DUSP22: variants seen among roughly 807,000 people sequenced by gnomAD.
DUSP22 encodes dual specificity protein phosphatase 22.
A neutral mutation model predicts 24.5 loss-of-function variants in DUSP22; 24 were observed. The observed-to-expected ratio is 0.98, with a 90% CI of 0.71 to 1.38. The LOEUF (loss-of-function observed/expected upper bound fraction) is 1.38. Ranked by LOEUF, DUSP22 falls within the 40% of genes most tolerant of loss-of-function variation. The pLI, the probability that DUSP22 is intolerant of heterozygous loss-of-function variation, is 0.00. For synonymous variants in DUSP22, 160 were observed against 106.4 expected (o/e 1.50, Z -3.10); for missense variants, 330 against 269.2 (o/e 1.23, Z -1.58).
At chr6:316,591 T>C (rs1322792325) in intron 3 of DUSP22, among the ~76,000 whole-genome samples, 1 of 152,312 alleles carries the variant, frequency 6.6e-6, no homozygotes, top group Non-Finnish European at 1.5e-5. Flanking sequence ...ATATTGTTTG[T>C]AGTTGCTGAG....
intron 4 of DUSP22, among the ~76,000 whole-genome samples, chr6:338,304 C>T (rs935039707): frequency 3.9e-5 from 6 of 152,294 alleles, no homozygotes; most frequent in African/African-American, 1.2e-4. Context: ...AAGAGGCAGG[C>T]GATGAAATAG....
At chr6:298,205 G>C (rs1410970949) in intron 1 of DUSP22, among the ~76,000 whole-genome samples, 1 of 152,308 alleles carries the variant, frequency 6.6e-6, no homozygotes, top group Non-Finnish European at 1.5e-5. Context: ...AAGGGCCCAG[G>C]AGAGTATTCT....
chr6:305,615 A>T (rs1757785190), intron 2 of DUSP22, among the ~76,000 whole-genome samples: 1 of 152,306 alleles, frequency 6.6e-6, no homozygotes, highest in African/African-American at 2.4e-5. Context: ...TCAGCTCTGG[A>T]GCACGGTGGT....
At chr6:309,812 C>T (rs1261110433) in intron 2 of DUSP22, among the ~76,000 whole-genome samples, 8 of 152,286 alleles carry the variant, frequency 5.3e-5, no homozygotes. Flanking sequence ...ATGTGTTTGT[C>T]TCTGCATTTT....
chr6:349,197 C>G lies in DUSP22; in HGVS notation c.*246C>G, dbSNP rs1052359935. Reference sequence around the variant, plus strand: ...TGTTGCCCAGTGGCTGTGCACTGCTCTGTGCACGTGCGTGTGTGTGAGTGC... The same window carrying G: ...TGTTGCCCAGTGGCTGTGCACTGCTGTGTGCACGTGCGTGTGTGTGAGTGC... On this transcript the variant is annotated 3_prime_UTR_variant, in exon 7 of 7. Transcript: ENST00000419235. 1.4e-6 allele frequency: 2 copies of G among 1,416,856 alleles called. No individual in the cohort carries two copies. Among genetic ancestry groups the G allele is most frequent in the Non-Finnish European group, 1.8e-6 (2 of 1,088,766 alleles). 87.8% of individuals were successfully genotyped at this position (1,416,856 alleles called of 1,614,324 possible).
chr6:310,130 T>G (rs1344387704), intron 2 of DUSP22, among the ~76,000 whole-genome samples: 1 of 152,300 alleles, frequency 6.6e-6, no homozygotes. Flanking sequence ...CCAGCTAATT[T>G]TTGTAATTTT....
At chr6:303,843 G>A (rs923122631) in intron 1 of DUSP22, among the ~76,000 whole-genome samples, 57 of 152,402 alleles carry the variant, frequency 3.7e-4, no homozygotes, top group Non-Finnish European at 6.9e-4. Context: ...CATTCCATGC[G>A]GGGGCTGGAG....
chr6:336,151 G>C (rs1759353614), intron 4 of DUSP22, among the ~76,000 whole-genome samples: 1 of 152,304 alleles, frequency 6.6e-6, no homozygotes, highest in Non-Finnish European at 1.5e-5. Flanking sequence ...TGTGCAGGCT[G>C]AAAGGCTGGG....
intron 3 of DUSP22, among the ~76,000 whole-genome samples, chr6:332,055 G>A (rs993519547): frequency 2.5e-4 from 38 of 152,274 alleles, no homozygotes; most frequent in African/African-American, 9.2e-4. Flanking sequence ...TTCTTTCCTT[G>A]CACTCATCTG....
intron 1 of DUSP22, among the ~76,000 whole-genome samples, chr6:301,505 G>T (rs1419618951): frequency 6.6e-6 from 1 of 152,304 alleles, no homozygotes; most frequent in African/African-American, 2.4e-5. Flanking sequence ...GGTTGTTACT[G>T]AACATTTTGA....
chr6:319,278 A>T (rs1329814752), intron 3 of DUSP22, among the ~76,000 whole-genome samples: 1 of 152,308 alleles, frequency 6.6e-6, no homozygotes. Context: ...GGTAGATTTC[A>T]TTTGAATGTT....
chr6:303,254 A>G (rs555986935), intron 1 of DUSP22, among the ~76,000 whole-genome samples: 81 of 152,402 alleles, frequency 5.3e-4, no homozygotes, highest in African/African-American at 1.9e-3. Flanking sequence ...CTTTCAAGAT[A>G]GGAATGATAA....
In DUSP22 at chr6:304,609, GTGTC is replaced by G; in HGVS notation, c.22-13_22-10del. 1 of 1,614,180 alleles carries G rather than the reference GTGTC, an allele frequency of 6.2e-7. No homozygotes were observed. Among genetic ancestry groups the G allele is most frequent in the Non-Finnish European group, 8.5e-7 (1 of 1,179,954 alleles). The stretch of plus-strand genomic sequence containing the variant: ...CTTAGAGTCTGCCATGCTCATGTCT[GTGTC>G]TGTCTCTCTCCTAGATCCTGCCCGG... On this transcript the variant is annotated splice_polypyrimidine_tract_variant and intron_variant, in intron 1 of 6. Transcript: ENST00000419235.
At position 335,262 on chromosome 6, in the gene DUSP22, A is replaced by G. The variant is rs1316084787; in HGVS notation, c.188+99A>G. On this transcript the variant is annotated intron_variant, in intron 4 of 6. Coordinates refer to ENST00000419235, the MANE Select transcript of DUSP22 (RefSeq NM_001286555.3). ...GAAGACTGTGAAGTTGTCAGAGCTC[A>G]CGGGACCCTTGCTGACCCTGCCAGG... 2.5e-5 allele frequency: 37 copies of G among 1,482,248 alleles called. No homozygotes were observed. In the Admixed American group the frequency reaches 5.0e-4, roughly 20 times the overall value. 91.8% of individuals were successfully genotyped at this position (1,482,248 alleles called of 1,614,324 possible).
intron 2 of DUSP22, among the ~76,000 whole-genome samples, chr6:310,505 A>G (rs1287319264): frequency 1.3e-5 from 2 of 152,298 alleles, no homozygotes; most frequent in Non-Finnish European, 2.9e-5. Flanking sequence ...TAGCCAACTG[A>G]TAGCTGATAG....
At chr6:345,475 G>C (rs535997315) in intron 4 of DUSP22, among the ~76,000 whole-genome samples, 10 of 152,416 alleles carry the variant, frequency 6.6e-5, no homozygotes, top group African/African-American at 2.4e-4. Context: ...CTCCCAAATT[G>C]CTGGGATTAC....
At chr6:337,512 GA>G (rs1420427026) in intron 4 of DUSP22, among the ~76,000 whole-genome samples, 1 of 152,306 alleles carries the variant, frequency 6.6e-6, no homozygotes, top group Admixed American at 6.5e-5. Flanking sequence ...GGGAGACAGA[GA>G]TATGCCAGCT....
At chr6:296,590 G>A (rs1447602930) in intron 1 of DUSP22, among the ~76,000 whole-genome samples, 2 of 152,422 alleles carry the variant, frequency 1.3e-5, no homozygotes, top group East Asian at 1.9e-4. Flanking sequence ...GTTCTCTCGA[G>A]TCTGAACCCT....
intron 3 of DUSP22, among the ~76,000 whole-genome samples, chr6:328,194 G>A (rs1242336849): frequency 6.6e-6 from 1 of 152,308 alleles, no homozygotes; most frequent in Non-Finnish European, 1.5e-5. Context: ...GAATGCCTTG[G>A]TCCCAAGTGA....
Sources: gnomAD v4.1 joint callset for allele counts (sites outside exome capture counted in the v4.1 genomes callset) on GRCh38, gnomAD v4.1.1 for gene constraint, MANE v1.5 for transcripts, NCBI Gene and HGNC (gene_info 2026-07-23, HGNC 2026-07-21) for gene names.